Variants in NRXN3 observed in about 807,000 individuals in gnomAD.
The protein encoded by NRXN3 is neurexin 3.
NRXN3 carries 32 observed loss-of-function variants against 137.6 expected under a neutral mutation model. The ratio of observed to expected loss-of-function variants is 0.23; its 90% CI spans 0.18 to 0.31. NRXN3 has a LOEUF of 0.31. Among genes scored for constraint, NRXN3 ranks in the 10% least tolerant of loss-of-function variants. The pLI is 1.00. For synonymous variants in NRXN3, 798 were observed against 784.5 expected (o/e 1.02, Z -0.29); for missense variants, 1,574 against 2,062.5 (o/e 0.76, Z 4.59).
intron 15 of NRXN3, among the ~76,000 whole-genome samples, chr14:79,270,953 C>G (rs778213126): frequency 1.3e-5 from 2 of 152,208 alleles, no homozygotes; most frequent in African/African-American, 4.8e-5. Context: ...CTTAATAACA[C>G]TTTGTACCTT....
At chr14:79,166,715 C>A (rs556795352) in intron 15 of NRXN3, among the ~76,000 whole-genome samples, 1 of 151,652 alleles carries the variant, frequency 6.6e-6, no homozygotes, top group South Asian at 2.1e-4. Flanking sequence ...TTAAAAAGAA[C>A]CATCTTTGAA....
intron 10 of NRXN3, among the ~76,000 whole-genome samples, chr14:78,844,853 C>T (rs1023382194): frequency 6.6e-5 from 10 of 152,060 alleles, no homozygotes; most frequent in Admixed American, 6.6e-4. Context: ...CACCATTATA[C>T]ATAGAATAGC....
chr14:79,413,699 C>T (rs2095453130), intron 15 of NRXN3, among the ~76,000 whole-genome samples: 1 of 151,974 alleles, frequency 6.6e-6, no homozygotes, highest in Non-Finnish European at 1.5e-5. Flanking sequence ...AACTTCCCTC[C>T]TCTTATATCT....
In NRXN3 at chr14:78,645,123, G is replaced by A. The variant is rs1296848887; in HGVS notation, c.761G>A (p.Arg254Gln). The change falls in exon 5 of 21, where the codon CGA (arginine) becomes CAA (glutamine). Residue 254 changes from arginine to glutamine, a missense_variant. Arg to Gln is a conservative substitution (Grantham distance 43, BLOSUM62 1). Around this residue, in one of 5 missense-constraint regions of NRXN3, gnomAD observed 400 missense variants for 527.3 expected, o/e 0.76. Transcript: ENST00000335750. ...TTCCTCTTTTCTTTTCCTATAGCTC[G>A]AGAGGAGAATGTGGCCACTTTCCGA... ...LSHLMMSEQA[R>Q]EENVATFRGS... is the part of the protein sequence containing the mutation. 6.4e-7 allele frequency: 1 copy of A among 1,552,906 alleles called. No individual in the cohort carries two copies. Among genetic ancestry groups the A allele is most frequent in the Non-Finnish European group, 8.7e-7 (1 of 1,154,928 alleles).
chr14:78,371,240 G>T (rs1189034500), intron 4 of NRXN3, among the ~76,000 whole-genome samples: 2 of 152,278 alleles, frequency 1.3e-5, no homozygotes, highest in Middle Eastern at 3.4e-3. Context: ...GTGGCTGAAC[G>T]TAGAGAGGAG....
rs1286138029 is a variant in NRXN3, at chr14:78,525,309, G to GAC, written c.758-119811_758-119810insAC. Among the ~76,000 whole-genome samples, 5 of 152,224 alleles carry GAC rather than the reference G, an allele frequency of 3.3e-5. No individual in the cohort carries two copies. In the East Asian group the frequency reaches 9.6e-4, roughly 29 times the overall value. On this transcript the variant is annotated intron_variant, in intron 4 of 20. Transcript: ENST00000335750. ...CACTGCTGGTATGGGTCAGGGGACT[G>GAC]TTGTGCTGAATCAGAGGATGTAGGA...
At chr14:78,785,907 A>G (rs1209833800) in intron 8 of NRXN3, among the ~76,000 whole-genome samples, 3 of 152,222 alleles carry the variant, frequency 2.0e-5, no homozygotes, top group Non-Finnish European at 2.9e-5. Context: ...CCTTCTAGAT[A>G]AAGTTCCTGT....
intron 19 of NRXN3, among the ~76,000 whole-genome samples, chr14:79,709,141 G>A (rs748041289): frequency 1.2e-4 from 19 of 152,096 alleles, no homozygotes; most frequent in South Asian, 1.2e-3. Flanking sequence ...ATCTCAGATC[G>A]TGCACTTCTA....
At chr14:78,395,178 G>T (rs1195117475) in intron 4 of NRXN3, among the ~76,000 whole-genome samples, 1 of 151,436 alleles carries the variant, frequency 6.6e-6, no homozygotes, top group Admixed American at 6.6e-5. Flanking sequence ...AATATATGCA[G>T]TTAGTGCTAT....
intron 8 of NRXN3, among the ~76,000 whole-genome samples, chr14:78,718,283 T>C (rs947401782): frequency 6.6e-6 from 1 of 152,120 alleles, no homozygotes; most frequent in Non-Finnish European, 1.5e-5. Context: ...GGAACTTCCT[T>C]GGGGGTGAGT....
chr14:79,453,362 A>G (rs927020340), intron 15 of NRXN3, among the ~76,000 whole-genome samples: 1 of 152,196 alleles, frequency 6.6e-6, no homozygotes, highest in Non-Finnish European at 1.5e-5. Context: ...ATATAGAGAG[A>G]GGTTCAAATA....
intron 6 of NRXN3, among the ~76,000 whole-genome samples, chr14:78,653,311 C>G (rs919582692): frequency 6.6e-6 from 1 of 152,178 alleles, no homozygotes; most frequent in Admixed American, 6.5e-5. Flanking sequence ...TCTAGTGAAC[C>G]CTGAAAGACT....
chr14:78,318,273 T>C (rs946629154), intron 4 of NRXN3, among the ~76,000 whole-genome samples: 1 of 152,166 alleles, frequency 6.6e-6, no homozygotes, highest in Non-Finnish European at 1.5e-5. Context: ...TCTTAGTTCA[T>C]TGACATGAAA....
chr14:79,602,101 A>G (rs2097930692), intron 16 of NRXN3, among the ~76,000 whole-genome samples: 1 of 152,238 alleles, frequency 6.6e-6, no homozygotes. Flanking sequence ...AAGATATTAC[A>G]TACCTACTGC....
At chr14:79,484,360 A>AT (rs1201727003) in intron 16 of NRXN3, among the ~76,000 whole-genome samples, 2 of 152,088 alleles carry the variant, frequency 1.3e-5, no homozygotes, top group African/African-American at 4.8e-5. Flanking sequence ...CCCCTTGTCA[A>AT]TATAAGGGCT....
intron 15 of NRXN3, among the ~76,000 whole-genome samples, chr14:79,349,715 T>C (rs2093108432): frequency 6.6e-6 from 1 of 152,006 alleles, no homozygotes; most frequent in Non-Finnish European, 1.5e-5. Context: ...TTGGAAACAG[T>C]CTTAACAGAG....
intron 15 of NRXN3, among the ~76,000 whole-genome samples, chr14:79,112,924 C>T (rs74955385): frequency 0.055 from 8,309 of 152,162 alleles, 680 homozygotes; most frequent in African/African-American, 0.18. Flanking sequence ...AAAGTTGAGA[C>T]GCAGTTTTCC....
At chr14:78,634,249 G>A (rs532474255) in intron 4 of NRXN3, among the ~76,000 whole-genome samples, 9 of 152,198 alleles carry the variant, frequency 5.9e-5, no homozygotes, top group Non-Finnish European at 1.2e-4. Flanking sequence ...GCCAACGCAC[G>A]GAGCAGTGGG....
At chr14:78,204,914 G>A (rs2062034133) in intron 1 of NRXN3, among the ~76,000 whole-genome samples, 1 of 152,190 alleles carries the variant, frequency 6.6e-6, no homozygotes, top group Non-Finnish European at 1.5e-5. Flanking sequence ...TGAGGTTTGT[G>A]GAGTTCTTTG....
Sources: gnomAD v4.1 joint callset for allele counts (sites outside exome capture counted in the v4.1 genomes callset) on GRCh38, gnomAD v4.1.1 for gene constraint, gnomAD v4.1.1 regional missense constraint, MANE v1.5 for transcripts, NCBI Gene and HGNC (gene_info 2026-07-23, HGNC 2026-07-21) for gene names.